Variants in OTOP1 observed in about 807,000 individuals in gnomAD.
OTOP1 encodes the protein proton channel OTOP1.
A neutral mutation model predicts 52.9 loss-of-function variants in OTOP1; 59 were observed. The observed-to-expected ratio is 1.12, with a 90% CI of 0.91 to 1.39. The LOEUF (loss-of-function observed/expected upper bound fraction) is 1.39. Among genes scored for constraint, OTOP1 ranks in the 40% most tolerant of loss-of-function variants. The pLI is 0.00. For synonymous variants in OTOP1, 317 were observed against 337.7 expected (o/e 0.94, Z 0.67); for missense variants, 761 against 800.9 (o/e 0.95, Z 0.60).
At chr4:4,223,553 A>C (rs1443564226) in intron 1 of OTOP1, among the ~76,000 whole-genome samples, 1 of 152,152 alleles carries the variant, frequency 6.6e-6, no homozygotes, top group East Asian at 1.9e-4. Flanking sequence ...GCACAGACTG[A>C]GTAGAAAAAA....
rs774854921 is a variant in OTOP1, at chr4:4,202,517, C to G, written c.661G>C (p.Glu221Gln). The change falls in exon 4 of 6, where the codon GAG becomes CAG. Residue 221 changes from glutamate (E) to glutamine (Q), a missense_variant. Transcript: ENST00000296358. ...TGCTCATTGAGTTGGTGCTTTGACT[C>G]ATTGAGGACGCCATTGGCCCACAGA... Reference protein sequence around the residue: ...LLLWANGVLNESKHQLNEHKE... With the variant: ...LLLWANGVLNQSKHQLNEHKE... 2.0e-5 allele frequency: 33 copies of G among 1,614,136 alleles called. No homozygotes were observed. In the South Asian group the frequency reaches 3.6e-4, roughly 18 times the overall value.
intron 2 of OTOP1, among the ~76,000 whole-genome samples, chr4:4,210,336 G>C (rs1346845723): frequency 6.6e-6 from 1 of 152,160 alleles, no homozygotes; most frequent in East Asian, 1.9e-4. Context: ...GATCAGCTTG[G>C]GCTGCCGTAA....
rs1407529819 is a variant in OTOP1, at chr4:4,197,965, T to C, written c.869A>G (p.Lys290Arg). The part of the protein sequence containing the change: ...LASTMLYVLW[K>R]NIGRKVDSHQ... ...GCTGTCAACTTTGCGCCCGATGTTCTTCCACAGGACGTAGAGCATTGTGGA... is the reference window on the plus strand; with the variant it reads ...GCTGTCAACTTTGCGCCCGATGTTCCTCCACAGGACGTAGAGCATTGTGGA... The change falls in exon 5 of 6, where the codon AAG becomes AGG. Residue 290 changes from lysine to arginine, a missense_variant. Around this residue, in one of 3 missense-constraint regions of OTOP1, gnomAD observed 632 missense variants for 619.5 expected, o/e 1.02. Coordinates refer to ENST00000296358, the MANE Select transcript of OTOP1 (RefSeq NM_177998.3). 1 of 1,614,084 alleles carries C rather than the reference T, an allele frequency of 6.2e-7. No homozygotes were observed. Among genetic ancestry groups the C allele is most frequent in the East Asian group, 2.2e-5 (1 of 44,868 alleles).
intron 4 of OTOP1, among the ~76,000 whole-genome samples, chr4:4,199,215 T>TA (rs2108798014): frequency 8.7e-6 from 1 of 115,332 alleles, no homozygotes; most frequent in Non-Finnish European, 1.8e-5. Flanking sequence ...AAAACTCAGG[T>TA]AAAATTGTGT....
intron 5 of OTOP1, among the ~76,000 whole-genome samples, chr4:4,189,512 G>A (rs1342458455): frequency 1.3e-5 from 2 of 152,066 alleles, no homozygotes; most frequent in Non-Finnish European, 2.9e-5. Context: ...CCCTGGCTGT[G>A]GCAGGCAGCC....
chr4:4,226,588 G>T lies in OTOP1; in HGVS notation c.277C>A (p.Leu93Met). The part of the protein sequence containing the change: ...HAAGVSKSDL[L>M]CFLTALMLLQ... ...AGCATGAGCGCCGTCAGGAAGCACA[G>T]CAGGTCGCTCTTGCTCACGCCCGCG... The change falls in exon 1 of 6, where the codon CTG (leucine) becomes ATG (methionine). Residue 93 changes from leucine (L) to methionine (M), a missense_variant. Physicochemically the swap from Leu to Met is conservative, Grantham distance 15. This residue lies in a region of OTOP1 where 56 missense variants were observed against 105.6 expected (regional missense o/e 0.53). Coordinates refer to ENST00000296358, the MANE Select transcript of OTOP1 (RefSeq NM_177998.3). 1.2e-6 allele frequency: 2 copies of T among 1,604,624 alleles called. No homozygotes were observed. The highest frequency in any genetic ancestry group is 8.5e-7 in the Non-Finnish European group (1 of 1,178,386).
At chr4:4,201,281 G>T (rs1261136727) in intron 4 of OTOP1, among the ~76,000 whole-genome samples, 1 of 151,966 alleles carries the variant, frequency 6.6e-6, no homozygotes, top group Non-Finnish European at 1.5e-5. Context: ...ATAAAAATTA[G>T]CCAGGTGTGG....
chr4:4,225,221 A>G (rs1241320488), intron 1 of OTOP1, among the ~76,000 whole-genome samples: 1 of 152,180 alleles, frequency 6.6e-6, no homozygotes, highest in African/African-American at 2.4e-5. Context: ...CTTCACAAGC[A>G]TGCTCCCCAT....
intron 5 of OTOP1, among the ~76,000 whole-genome samples, chr4:4,194,593 G>A (rs191376746): frequency 5.3e-5 from 8 of 152,306 alleles, no homozygotes; most frequent in South Asian, 2.1e-4. Context: ...CCAACTTTGC[G>A]TTCTTAGGGT....
At position 4,222,902 on chromosome 4, in the gene OTOP1, G is replaced by A. The variant is rs1336302903; in HGVS notation, c.403+3560C>T. Reference sequence around the variant, plus strand: ...TTCTTGCTTCTTTGAGGAACCCACAGGAATGGCCAGGGCTTTGCAAACTGC... The same window carrying A: ...TTCTTGCTTCTTTGAGGAACCCACAAGAATGGCCAGGGCTTTGCAAACTGC... On this transcript the variant is annotated intron_variant, in intron 1 of 5. Coordinates refer to ENST00000296358, the MANE Select transcript of OTOP1 (RefSeq NM_177998.3). Among the ~76,000 whole-genome samples, 6 of 152,194 alleles carry A rather than the reference G, an allele frequency of 3.9e-5. No homozygotes were observed. In the South Asian group the frequency reaches 8.3e-4, roughly 21 times the overall value.
intron 3 of OTOP1, among the ~76,000 whole-genome samples, chr4:4,204,159 G>A (rs1299437057): frequency 4.6e-5 from 7 of 152,076 alleles, no homozygotes; most frequent in Admixed American, 2.0e-4. Flanking sequence ...GAAACTGCAG[G>A]CAAAACCTTG....
intron 2 of OTOP1, among the ~76,000 whole-genome samples, chr4:4,210,215 G>A (rs757208434): frequency 2.6e-5 from 4 of 152,116 alleles, no homozygotes; most frequent in South Asian, 2.1e-4. Context: ...ATGAATGAAC[G>A]AACGCAGTTC....
At chr4:4,211,361 G>A (rs3906833) in intron 2 of OTOP1, among the ~76,000 whole-genome samples, 7,035 of 152,236 alleles carry the variant, frequency 0.046, 538 homozygotes, top group African/African-American at 0.16. Context: ...GGTCTTCCAG[G>A]TGACTTGTCA....
intron 1 of OTOP1, among the ~76,000 whole-genome samples, chr4:4,219,877 G>T (rs1400126389): frequency 1.4e-5 from 2 of 142,052 alleles, no homozygotes; most frequent in Non-Finnish European, 3.0e-5. Flanking sequence ...ATACATATAT[G>T]TATATATACA....
intron 2 of OTOP1, 54 bp downstream of exon 2, chr4:4,212,814 C>A: frequency 6.3e-7 from 1 of 1,595,506 alleles, no homozygotes; most frequent in Non-Finnish European, 8.6e-7. Flanking sequence ...TTCTACACAA[C>A]CTGGGATACA....
At chr4:4,194,863 T>C (rs1716588300) in intron 5 of OTOP1, among the ~76,000 whole-genome samples, 1 of 152,114 alleles carries the variant, frequency 6.6e-6, no homozygotes, top group African/African-American at 2.4e-5. Flanking sequence ...CATCCTTCCT[T>C]TATGTGTCTT....
chr4:4,203,792 T>C (rs1716839884), intron 3 of OTOP1, among the ~76,000 whole-genome samples: 1 of 152,304 alleles, frequency 6.6e-6, no homozygotes, highest in Admixed American at 6.5e-5. Flanking sequence ...CACTCCTAAA[T>C]TGGAGAGCAG....
rs1448207661 is a variant in OTOP1, at chr4:4,220,096, TATATA to T, written c.403+6361_403+6365del. 1.6e-3 allele frequency among the ~76,000 whole-genome samples: 169 copies of T among 105,982 alleles called. 5 individuals are homozygous for T. Among genetic ancestry groups the T allele is most frequent in the African/African-American group, 5.4e-3 (124 of 22,970 alleles). 69.5% of individuals were successfully genotyped at this position (105,982 alleles called of 152,430 possible). On this transcript the variant is annotated intron_variant, in intron 1 of 5. Coordinates refer to ENST00000296358, the MANE Select transcript of OTOP1 (RefSeq NM_177998.3). ...ATATGTATACATATATATATATATATATATATATATTTTTTTTTTTTTTGAGATGG... is the reference window on the plus strand; with the variant it reads ...ATATGTATACATATATATATATATATTATATTTTTTTTTTTTTTGAGATGG...
At chr4:4,217,914 G>A (rs564747123) in intron 1 of OTOP1, among the ~76,000 whole-genome samples, 1 of 152,298 alleles carries the variant, frequency 6.6e-6, no homozygotes, top group Non-Finnish European at 1.5e-5. Context: ...CTGGAGGAGG[G>A]TGGAGGTATA....
Sources: gnomAD v4.1 joint callset for allele counts (sites outside exome capture counted in the v4.1 genomes callset) on GRCh38, gnomAD v4.1.1 for gene constraint, gnomAD v4.1.1 regional missense constraint, MANE v1.5 for transcripts, NCBI Gene and HGNC (gene_info 2026-07-23, HGNC 2026-07-21) for gene names.